The following CLVS2 variants were observed in gnomAD, a reference collection of about 807,000 sequenced individuals.
CLVS2 encodes clavesin-2.
Under a neutral mutation model 29.0 loss-of-function variants are expected in CLVS2, and 19 were observed. The ratio of observed to expected loss-of-function variants is 0.66; its 90% CI spans 0.46 to 0.96. CLVS2 has a LOEUF of 0.96. Ranked by LOEUF, CLVS2 falls within the 40% of genes least tolerant of loss-of-function variation. The probability of loss-of-function intolerance (pLI) is 0.00; values close to 1 mark genes in which losing one functional copy is unlikely to be tolerated. For missense variants in CLVS2, 294 were observed against 404.1 expected (o/e 0.73, Z 2.34); for synonymous variants, 161 against 151.3 (o/e 1.06, Z -0.47).
At chr6:123,042,359 A>T (rs953378117) in intron 3 of CLVS2, among the ~76,000 whole-genome samples, 1 of 152,152 alleles carries the variant, frequency 6.6e-6, no homozygotes, top group Non-Finnish European at 1.5e-5. Context: ...TACATATCAG[A>T]CTAACTACTT....
chr6:123,005,668 CAAAAAAA>C (rs1774657501), intron 2 of CLVS2, among the ~76,000 whole-genome samples: 1 of 151,956 alleles, frequency 6.6e-6, no homozygotes, highest in Non-Finnish European at 1.5e-5. Context: ...AGGTAGTCAC[CAAAAAAA>C]TTGCATGGCC....
At chr6:123,043,458 T>C (rs577305150) in intron 3 of CLVS2, among the ~76,000 whole-genome samples, 9 of 152,278 alleles carry the variant, frequency 5.9e-5, no homozygotes, top group African/African-American at 2.2e-4. Flanking sequence ...ACCTTATCAC[T>C]ATATGCCCTT....
intron 2 of CLVS2, among the ~76,000 whole-genome samples, chr6:123,003,306 G>A (rs1327023438): frequency 6.6e-6 from 1 of 152,190 alleles, no homozygotes; most frequent in Non-Finnish European, 1.5e-5. Context: ...TGTCCTGAAA[G>A]GATGCCTCAA....
At position 123,066,955 on chromosome 6, in the gene CLVS2, C is replaced by T. The variant is rs1456385541; in HGVS notation, c.*3194C>T. 1 of 151,636 alleles carries T rather than the reference C, an allele frequency of 6.6e-6. No homozygotes were observed. The allele number at this position is 151,636 out of a possible 1,614,324, so 9.4% of individuals were successfully genotyped here. A position where few individuals can be genotyped will look rare whatever the true frequency, so the allele number is the denominator to read the frequency against. ...TGTTAATGATAAACGTGGCACTAGG[C>T]TAAAACGATATACGAGTATTAAACA... is the stretch of plus-strand genomic sequence containing the variant. On this transcript the variant is annotated 3_prime_UTR_variant, in exon 6 of 6. Coordinates refer to ENST00000275162, the MANE Select transcript of CLVS2 (RefSeq NM_001010852.4).
intron 3 of CLVS2, among the ~76,000 whole-genome samples, chr6:123,038,664 T>G (rs1582657571): frequency 6.6e-6 from 1 of 152,130 alleles, no homozygotes; most frequent in Non-Finnish European, 1.5e-5. Context: ...AATAAATTAT[T>G]TTTTCCTAAT....
At chr6:123,059,502 A>G (rs1772744364) in intron 5 of CLVS2, among the ~76,000 whole-genome samples, 1 of 152,176 alleles carries the variant, frequency 6.6e-6, no homozygotes, top group Non-Finnish European at 1.5e-5. Flanking sequence ...TCTGCTGCCC[A>G]TCAGTGGCCC....
intron 3 of CLVS2, among the ~76,000 whole-genome samples, chr6:123,045,010 T>C (rs1049714415): frequency 3.9e-5 from 6 of 152,158 alleles, no homozygotes; most frequent in Non-Finnish European, 7.4e-5. Flanking sequence ...TAACAGATAT[T>C]GTGAGTGATC....
intron 4 of CLVS2, among the ~76,000 whole-genome samples, chr6:123,052,521 T>C (rs1772626701): frequency 6.6e-6 from 1 of 152,066 alleles, no homozygotes. Flanking sequence ...AGAGTGTAGG[T>C]GGAAGAGTGG....
chr6:123,040,851 G>A (rs1291595051), intron 3 of CLVS2, among the ~76,000 whole-genome samples: 2 of 151,690 alleles, frequency 1.3e-5, no homozygotes, highest in African/African-American at 4.8e-5. Context: ...AGGAAATGAA[G>A]TTATTCATTG....
chr6:123,032,119 C>T (rs1378188763), intron 3 of CLVS2, among the ~76,000 whole-genome samples: 1 of 152,028 alleles, frequency 6.6e-6, no homozygotes, highest in South Asian at 2.1e-4. Flanking sequence ...TCACTTAACT[C>T]TTAACTTAAA....
intron 4 of CLVS2, among the ~76,000 whole-genome samples, chr6:123,053,750 G>A (rs955996019): frequency 2.0e-5 from 3 of 152,156 alleles, no homozygotes; most frequent in Admixed American, 6.5e-5. Flanking sequence ...TGTGGGGGGC[G>A]TGGAGTCAGG....
intron 2 of CLVS2, among the ~76,000 whole-genome samples, chr6:123,004,619 A>C (rs1774636343): frequency 6.6e-6 from 1 of 152,190 alleles, no homozygotes; most frequent in Non-Finnish European, 1.5e-5. Context: ...GCTACCATGA[A>C]AAAGCAGACC....
intron 3 of CLVS2, among the ~76,000 whole-genome samples, chr6:123,019,888 T>G (rs1441390696): frequency 6.6e-6 from 1 of 151,988 alleles, no homozygotes; most frequent in African/African-American, 2.4e-5. Context: ...ATAAGTTATA[T>G]TCCAAGTTCA....
At chr6:122,997,108 A>G (rs1271559853) in intron 1 of CLVS2, 111 bp from the exon 2 acceptor site, 1 of 156,624 alleles carries the variant, frequency 6.4e-6, no homozygotes, top group Non-Finnish European at 1.5e-5. Context: ...ATAATCTTAA[A>G]TAAATCACAC....
chr6:123,016,206 A>G (rs1379028433), intron 3 of CLVS2, among the ~76,000 whole-genome samples: 1 of 151,838 alleles, frequency 6.6e-6, no homozygotes, highest in Non-Finnish European at 1.5e-5. Flanking sequence ...TTCTTAGAAA[A>G]TCAATACAAG....
chr6:123,016,021 CTTTTT>C lies in CLVS2; in HGVS notation c.564+4885_564+4889del, dbSNP rs58103603. On this transcript the variant is annotated intron_variant, in intron 3 of 5. Transcript: ENST00000275162. ...GTGATAGGTAAGGCACAACATCAGA[CTTTTT>C]TTTTTTTTTTTTTTTTTTTTTTGTG... 9.1e-3 allele frequency among the ~76,000 whole-genome samples: 461 copies of C among 50,800 alleles called. 2 individuals carry two copies. The highest frequency in any genetic ancestry group is 0.011 in the East Asian group (15 of 1,370). 33.3% of individuals were successfully genotyped at this position (50,800 alleles called of 152,430 possible). A position where few individuals can be genotyped will look rare whatever the true frequency, so the allele number is the denominator to read the frequency against.
intron 2 of CLVS2, among the ~76,000 whole-genome samples, chr6:123,004,206 G>A (rs943174665): frequency 2.6e-5 from 4 of 152,186 alleles, no homozygotes; most frequent in South Asian, 2.1e-4. Flanking sequence ...GCTTTCTGAT[G>A]TGTTTGTATT....
chr6:123,033,043 CTT>C (rs1162847558), intron 3 of CLVS2, among the ~76,000 whole-genome samples: 2 of 151,720 alleles, frequency 1.3e-5, no homozygotes, highest in Non-Finnish European at 2.9e-5. Context: ...GATAATGTAT[CTT>C]TGACTCAGGT....
intron 3 of CLVS2, among the ~76,000 whole-genome samples, chr6:123,044,686 G>T (rs1324649144): frequency 6.6e-6 from 1 of 151,550 alleles, no homozygotes; most frequent in Admixed American, 6.6e-5. Context: ...CATTTGTCTC[G>T]GCTGGTAGAG....
Sources: allele counts gnomAD v4.1 joint callset (sites outside exome capture counted in the v4.1 genomes callset), GRCh38; gene constraint gnomAD v4.1.1; transcripts MANE v1.5; gene names NCBI Gene and HGNC (gene_info 2026-07-23, HGNC 2026-07-21).